TRAPPC9: variants seen among roughly 807,000 people sequenced by gnomAD.
TRAPPC9 encodes the protein trafficking protein particle complex subunit 9.
In TRAPPC9, 83 loss-of-function variants were observed where a neutral mutation model predicts 124.0. That is an observed-to-expected ratio of 0.67 (90% confidence interval 0.56 to 0.80). TRAPPC9 has a LOEUF of 0.80. TRAPPC9 is among the 30% of genes least tolerant of loss of function. The pLI is 0.00. For missense variants in TRAPPC9, 1,302 were observed against 1,508.3 expected (o/e 0.86, Z 2.27); for synonymous variants, 638 against 617.5 (o/e 1.03, Z -0.49).
At chr8:140,366,869 A>G (rs1036367240) in intron 8 of TRAPPC9, among the ~76,000 whole-genome samples, 2 of 152,204 alleles carry the variant, frequency 1.3e-5, no homozygotes, top group African/African-American at 2.4e-5. Flanking sequence ...AAAACTCTTA[A>G]AGTCAACAGC....
chr8:140,156,234 A>G (rs1240257906), intron 17 of TRAPPC9, among the ~76,000 whole-genome samples: 1 of 152,192 alleles, frequency 6.6e-6, no homozygotes, highest in Non-Finnish European at 1.5e-5. Context: ...TGATAAACAC[A>G]CAGACATCTG....
At chr8:139,853,866 T>C (rs1827644615) in intron 21 of TRAPPC9, among the ~76,000 whole-genome samples, 1 of 152,256 alleles carries the variant, frequency 6.6e-6, no homozygotes, top group Admixed American at 6.5e-5. Context: ...ATTTTAGTTT[T>C]GGGTTTTCTA....
At chr8:139,732,943 C>T (rs965461501) in intron 21 of TRAPPC9, among the ~76,000 whole-genome samples, 20 of 152,014 alleles carry the variant, frequency 1.3e-4, no homozygotes, top group African/African-American at 4.3e-4. Context: ...ACAAGGAGGA[C>T]GCCTCCTAAC....
At chr8:140,351,510 TG>T (rs1325690359) in intron 9 of TRAPPC9, among the ~76,000 whole-genome samples, 2 of 152,102 alleles carry the variant, frequency 1.3e-5, no homozygotes, top group African/African-American at 2.4e-5. Context: ...GGCTCATGCC[TG>T]TAATTCCAAC....
At chr8:140,437,432 G>A (rs1192731047) in intron 3 of TRAPPC9, among the ~76,000 whole-genome samples, 2 of 152,054 alleles carry the variant, frequency 1.3e-5, no homozygotes, top group South Asian at 2.1e-4. Context: ...AGAGCAGCTC[G>A]GCCAACATCG....
intron 21 of TRAPPC9, among the ~76,000 whole-genome samples, chr8:139,732,549 C>T (rs1342735934): frequency 6.6e-6 from 1 of 152,154 alleles, no homozygotes; most frequent in African/African-American, 2.4e-5. Context: ...ACCGTAGAGG[C>T]GAGGGCGTGG....
chr8:140,178,723 T>C (rs2062129346), intron 17 of TRAPPC9, among the ~76,000 whole-genome samples: 1 of 152,104 alleles, frequency 6.6e-6, no homozygotes, highest in East Asian at 1.9e-4. Flanking sequence ...TGTGATAAAA[T>C]TTACCAGTGA....
chr8:140,457,751 C>A, upstream of TRAPPC9: 1 of 996,342 alleles, frequency 1.0e-6, no homozygotes, highest in Non-Finnish European at 1.2e-6. Context: ...TACTGGCGGC[C>A]GAGCCGGCGC....
chr8:140,415,637 G>C (rs1337399083), intron 5 of TRAPPC9, among the ~76,000 whole-genome samples: 2 of 151,978 alleles, frequency 1.3e-5, no homozygotes, highest in South Asian at 2.1e-4. Context: ...CACAAAAGCA[G>C]TGCATAGAGG....
chr8:140,338,265 G>A (rs965558675), intron 9 of TRAPPC9, among the ~76,000 whole-genome samples: 1 of 152,116 alleles, frequency 6.6e-6, no homozygotes, highest in African/African-American at 2.4e-5. Context: ...CCACAAATAT[G>A]GACCAGTGGG....
chr8:140,268,711 C>T (rs559615958), intron 15 of TRAPPC9, among the ~76,000 whole-genome samples: 3 of 152,108 alleles, frequency 2.0e-5, no homozygotes, highest in Non-Finnish European at 4.4e-5. Context: ...ATGTGCCCTG[C>T]GCATCCTCAG....
At chr8:139,797,745 T>C (rs929276523) in intron 21 of TRAPPC9, among the ~76,000 whole-genome samples, 1 of 152,262 alleles carries the variant, frequency 6.6e-6, no homozygotes, top group Admixed American at 6.5e-5. Context: ...GCACCATTTG[T>C]TGAAAATCTG....
chr8:140,189,933 G>A (rs1446479218), intron 17 of TRAPPC9, among the ~76,000 whole-genome samples: 1 of 152,130 alleles, frequency 6.6e-6, no homozygotes, highest in East Asian at 1.9e-4. Context: ...AGGTTCCACA[G>A]GGCAGACGCA....
At chr8:140,231,203 G>C (rs925648813) in intron 16 of TRAPPC9, among the ~76,000 whole-genome samples, 1 of 152,168 alleles carries the variant, frequency 6.6e-6, no homozygotes, top group Admixed American at 6.5e-5. Flanking sequence ...GTGCTGCCCG[G>C]CACATGGGAA....
At chr8:140,337,199 G>A (rs1048994494) in intron 9 of TRAPPC9, among the ~76,000 whole-genome samples, 8 of 152,060 alleles carry the variant, frequency 5.3e-5, no homozygotes, top group Non-Finnish European at 7.4e-5. Context: ...CCTCCTCCTC[G>A]TAATCTCAGC....
chr8:140,254,280 T>C (rs2064196669), intron 15 of TRAPPC9, among the ~76,000 whole-genome samples: 1 of 152,184 alleles, frequency 6.6e-6, no homozygotes, highest in South Asian at 2.1e-4. Flanking sequence ...TGGGTGTCAG[T>C]TCCCTGCCAG....
intron 1 of TRAPPC9, among the ~76,000 whole-genome samples, chr8:140,457,098 G>T (rs2071696579): frequency 6.6e-6 from 1 of 152,222 alleles, no homozygotes; most frequent in African/African-American, 2.4e-5. Flanking sequence ...GAGACAGGAG[G>T]GAAAGGGCTA....
rs1840484069 is a variant in TRAPPC9 at position 140,031,336 on chromosome 8, C to T, written c.2557-7257G>A. On this transcript the variant is annotated intron_variant, in intron 17 of 22. Transcript: ENST00000438773. The stretch of plus-strand genomic sequence containing the variant: ...TGCCAGATGTTGCCTGAGGTTTTGA[C>T]CAGCTCTTATATGAACAGTTATTCT... Among the ~76,000 whole-genome samples the T allele has an allele frequency of 2.0e-5, 3 of 152,290 alleles. No homozygotes were observed. The South Asian group carries it at 6.2e-4, about 32-fold the overall frequency.
chr8:140,058,976 G>A (rs536407582), intron 17 of TRAPPC9, among the ~76,000 whole-genome samples: 6 of 152,180 alleles, frequency 3.9e-5, no homozygotes, highest in South Asian at 2.1e-4. Context: ...TAAATCCATC[G>A]TAATGAAGTA....
Sources: gnomAD v4.1 joint callset for allele counts (sites outside exome capture counted in the v4.1 genomes callset) on GRCh38, gnomAD v4.1.1 for gene constraint, MANE v1.5 for transcripts, NCBI Gene and HGNC (gene_info 2026-07-23, HGNC 2026-07-21) for gene names.